FANCC: variants seen among roughly 807,000 people sequenced by gnomAD.
The protein encoded by FANCC is Fanconi anemia group C protein.
A neutral mutation model predicts 71.3 loss-of-function variants in FANCC; 55 were observed. That is an observed-to-expected ratio of 0.77 (90% CI 0.62 to 0.97). The LOEUF (loss-of-function observed/expected upper bound fraction) is 0.97. Among genes scored for constraint, FANCC ranks in the 50% least tolerant of loss-of-function variants. The pLI is 0.00. For missense variants in FANCC, 678 were observed against 670.9 expected, an observed-to-expected ratio of 1.01 and a Z score of -0.12; for synonymous variants, 275 against 244.9, an observed-to-expected ratio of 1.12 and a Z score of -1.15.
chr9:95,178,601 C>T (rs139642832), intron 4 of FANCC, among the ~76,000 whole-genome samples: 52 of 152,302 alleles, frequency 3.4e-4, no homozygotes, highest in Non-Finnish European at 7.1e-4. Context: ...GCCCTGTGCC[C>T]GGAGGCAGGA....
chr9:95,100,331 C>G lies in FANCC; in HGVS notation c.*1376G>C, dbSNP rs2071033305. On this transcript the variant is annotated 3_prime_UTR_variant, in exon 15 of 15. Transcript: ENST00000289081. The stretch of plus-strand genomic sequence containing the variant: ...TGCAGCATTTCTCAGAAGAAAGGCT[C>G]AGGTGAAAAGTTCCTGGAATTTTCC... 1 of 232,266 alleles carries G rather than the reference C, an allele frequency of 4.3e-6. No individual in the cohort carries two copies. Among genetic ancestry groups the G allele is most frequent in the Non-Finnish European group, 8.5e-6 (1 of 117,480 alleles). 14.4% of individuals were successfully genotyped at this position (232,266 alleles called of 1,614,324 possible). A position where few individuals can be genotyped will look rare whatever the true frequency, so the allele number is the denominator to read the frequency against.
At chr9:95,233,953 G>C (rs1269942593) in intron 4 of FANCC, among the ~76,000 whole-genome samples, 1 of 152,198 alleles carries the variant, frequency 6.6e-6, no homozygotes, top group Non-Finnish European at 1.5e-5. Context: ...GGGCTGGCAG[G>C]AGCCCTCCGG....
At chr9:95,181,074 C>T (rs554874286) in intron 4 of FANCC, among the ~76,000 whole-genome samples, 1 of 152,162 alleles carries the variant, frequency 6.6e-6, no homozygotes, top group East Asian at 1.9e-4. Flanking sequence ...CTCCAAGACC[C>T]TCAGTGGATG....
chr9:95,181,238 A>C (rs1826345609), intron 4 of FANCC, among the ~76,000 whole-genome samples: 2 of 151,798 alleles, frequency 1.3e-5, no homozygotes, highest in Admixed American at 1.3e-4. Flanking sequence ...ATAATTCTGT[A>C]ATATAAGTGG....
intron 1 of FANCC, chr9:95,294,222 A>T: frequency 1.3e-6 from 2 of 1,589,988 alleles, no homozygotes; most frequent in East Asian, 4.5e-5. Flanking sequence ...CATCTGGCCC[A>T]GCCCAGAACC....
chr9:95,301,894 G>A (rs1338283867), intron 1 of FANCC, among the ~76,000 whole-genome samples: 4 of 149,584 alleles, frequency 2.7e-5, no homozygotes, highest in East Asian at 2.0e-4. Context: ...TGGCTAACAC[G>A]GTGAAACCCC....
In FANCC at chr9:95,247,435, A is replaced by G. The variant is rs1214873725; in HGVS notation, c.247T>C (p.Tyr83His). The G allele has an allele frequency of 1.2e-6, 2 of 1,610,958 alleles. No homozygotes were observed. Among genetic ancestry groups the G allele is most frequent in the Admixed American group, 3.3e-5 (2 of 60,012 alleles). The change falls in exon 3 of 15, where the codon TAT (tyrosine) becomes CAT (histidine). Residue 83 changes from tyrosine to histidine, a missense_variant. Coordinates refer to ENST00000289081, the MANE Select transcript of FANCC (RefSeq NM_000136.3). The stretch of plus-strand genomic sequence containing the variant: ...AGGACACGTTTTTGATTCTTACCAT[A>G]TGCTAAAATAAAAGGATTCCAACAA... The part of the protein sequence containing the change: ...KACWNPFILA[Y>H]DESQKILIWC...
At chr9:95,289,700 G>C (rs1339568016) in intron 1 of FANCC, among the ~76,000 whole-genome samples, 2 of 152,184 alleles carry the variant, frequency 1.3e-5, no homozygotes, top group Admixed American at 1.3e-4. Context: ...ACCCAGGCTG[G>C]AGTACAGTGG....
intron 4 of FANCC, among the ~76,000 whole-genome samples, chr9:95,219,477 A>C (rs1316119256): frequency 6.6e-6 from 1 of 152,136 alleles, no homozygotes; most frequent in Non-Finnish European, 1.5e-5. Context: ...GTTTTTTTTC[A>C]AATCACCAGT....
At chr9:95,248,041 T>C (rs1831105128) in intron 2 of FANCC, among the ~76,000 whole-genome samples, 1 of 152,226 alleles carries the variant, frequency 6.6e-6, no homozygotes, top group South Asian at 2.1e-4. Context: ...TATCTGTTTA[T>C]TACTATTTTG....
At chr9:95,112,699 T>C (rs922802598) in intron 12 of FANCC, among the ~76,000 whole-genome samples, 3 of 152,176 alleles carry the variant, frequency 2.0e-5, no homozygotes, top group Admixed American at 2.0e-4. Flanking sequence ...GCTCCCAGGT[T>C]GGCAGCGTGA....
At chr9:95,200,640 T>C (rs1827750493) in intron 4 of FANCC, among the ~76,000 whole-genome samples, 1 of 152,218 alleles carries the variant, frequency 6.6e-6, no homozygotes. Context: ...TAATTATATC[T>C]GCCCTGGGGT....
chr9:95,283,367 C>G, intron 1 of FANCC, among the ~76,000 whole-genome samples: 1 of 152,206 alleles, frequency 6.6e-6, no homozygotes, highest in East Asian at 1.9e-4. Flanking sequence ...CAAATTCTGC[C>G]TAGAGTCAGC....
chr9:95,217,403 T>A (rs950209162), intron 4 of FANCC, among the ~76,000 whole-genome samples: 1 of 151,954 alleles, frequency 6.6e-6, no homozygotes, highest in Non-Finnish European at 1.5e-5. Context: ...GAGAATGGCA[T>A]GAACCCAGGA....
intron 1 of FANCC, among the ~76,000 whole-genome samples, chr9:95,262,882 T>C (rs1832139238): frequency 6.6e-6 from 1 of 152,198 alleles, no homozygotes; most frequent in Admixed American, 6.5e-5. Context: ...ATTCTTTGAT[T>C]CCACACAGAT....
intron 4 of FANCC, among the ~76,000 whole-genome samples, chr9:95,186,790 A>ATTTTTT (rs10671582): frequency 7.4e-6 from 1 of 134,974 alleles, no homozygotes; most frequent in African/African-American, 2.8e-5. Flanking sequence ...GGACTGTTGG[A>ATTTTTT]TTTTTTTTTT....
chr9:95,263,011 A>C (rs952643189), intron 1 of FANCC, among the ~76,000 whole-genome samples: 24 of 152,216 alleles, frequency 1.6e-4, no homozygotes, highest in Admixed American at 1.4e-3. Context: ...AGTTCTGGGG[A>C]TGGATGGCGG....
At chr9:95,192,892 C>T (rs186922345) in intron 4 of FANCC, among the ~76,000 whole-genome samples, 160 of 152,324 alleles carry the variant, frequency 1.1e-3, no homozygotes, top group African/African-American at 3.7e-3. Flanking sequence ...TAACCAACTA[C>T]ATAGTACTAC....
chr9:95,203,251 T>C (rs1419673851), intron 4 of FANCC, among the ~76,000 whole-genome samples: 2 of 151,682 alleles, frequency 1.3e-5, no homozygotes, highest in Non-Finnish European at 2.9e-5. Context: ...TACAAAAATA[T>C]AGCTGGGCAT....
Sources: gnomAD v4.1 joint callset for allele counts (sites outside exome capture counted in the v4.1 genomes callset) on GRCh38, gnomAD v4.1.1 for gene constraint, MANE v1.5 for transcripts, NCBI Gene and HGNC (gene_info 2026-07-23, HGNC 2026-07-21) for gene names.